Variants in GPR137 observed in about 807,000 individuals in gnomAD.
GPR137 encodes the protein G protein-coupled receptor 137.
A neutral mutation model predicts 38.9 loss-of-function variants in GPR137; 20 were observed. The observed-to-expected ratio is 0.51, with a 90% CI of 0.36 to 0.75. The LOEUF (loss-of-function observed/expected upper bound fraction) is 0.75, where lower values mean the gene tolerates loss of function less well. Among genes scored for constraint, GPR137 ranks in the 30% least tolerant of loss-of-function variants. GPR137 has a pLI of 0.00. For synonymous variants in GPR137, 226 were observed against 235.8 expected, an observed-to-expected ratio of 0.96 and a Z score of 0.38; for missense variants, 456 against 526.4, an observed-to-expected ratio of 0.87 and a Z score of 1.31.
chr11:64,284,578 C>A, upstream of GPR137: 1 of 1,492,728 alleles, frequency 6.7e-7, no homozygotes, highest in African/African-American at 1.4e-5. Flanking sequence ...CCCCTCAGAA[C>A]CCCGGTGGAC....
chr11:64,272,882 G>A (rs903880534), upstream of GPR137: 2 of 152,196 alleles, frequency 1.3e-5, no homozygotes, highest in African/African-American at 4.8e-5. Flanking sequence ...GATAATCCTA[G>A]CCCTGACTCC....
chr11:64,282,872 C>G (rs1352450917), upstream of GPR137, among the ~76,000 whole-genome samples: 2 of 148,116 alleles, frequency 1.4e-5, no homozygotes, highest in Admixed American at 6.7e-5. Context: ...GAGTGAGACT[C>G]CGTCTCAGGA....
At chr11:64,273,944 T>C (rs2032843345), upstream of GPR137, among the ~76,000 whole-genome samples, 1 of 150,504 alleles carries the variant, frequency 6.6e-6, no homozygotes, top group African/African-American at 2.4e-5. Context: ...GGAGGCTCTT[T>C]GGAGGAGGTA....
rs1341402120 is a variant in GPR137, at chr11:64,287,325, G to T, written c.407+311G>T. On this transcript the variant is annotated intron_variant, in intron 2 of 6. Transcript: ENST00000438980. ...CATATGCACTCCTGGGTGACCTGGG[G>T]CCGCAATGCCCTCGTCATTTGTACA... is the stretch of plus-strand genomic sequence containing the variant. 3.0e-6 allele frequency: 3 copies of T among 984,024 alleles called. No homozygotes were observed. The African/African-American group carries it at 5.2e-5, about 17-fold the overall frequency. The allele number at this position is 984,024 out of a possible 1,614,324, so 61.0% of individuals were successfully genotyped here.
chr11:64,271,767 G>A, upstream of GPR137: 3 of 1,426,570 alleles, frequency 2.1e-6, no homozygotes, highest in South Asian at 1.5e-5. Flanking sequence ...CGCGGGGTAG[G>A]AGCTGTGGCG....
chr11:64,287,327 C>T (rs945351072), intron 2 of GPR137: 15 of 983,384 alleles, frequency 1.5e-5, no homozygotes, highest in Middle Eastern at 5.2e-4. Context: ...GACCTGGGGC[C>T]GCAATGCCCT....
Position 64,276,769 on chromosome 11 carries a change from C to T in GPR137, c.-16+348C>T. On this transcript the variant is annotated intron_variant, in intron 2 of 2. Transcript: ENST00000538244. ...CTGGGGAAGGGAAGGGGTGTGGCTC[C>T]TCCTTGGGTGTGAACGTGGGTGGGT... 4.9e-6 allele frequency: 3 copies of T among 606,752 alleles called. No individual in the cohort carries two copies. In the South Asian group the frequency reaches 5.8e-5, roughly 12 times the overall value. 37.6% of individuals were successfully genotyped at this position (606,752 alleles called of 1,614,324 possible). A position where few individuals can be genotyped will look rare whatever the true frequency, so the allele number is the denominator to read the frequency against.
upstream of GPR137, chr11:64,285,551 C>A (rs2033872451): frequency 2.0e-6 from 2 of 983,962 alleles, no homozygotes; most frequent in Non-Finnish European, 1.2e-6. Flanking sequence ...CCGGGCGGCA[C>A]GACCCCGATT....
At chr11:64,281,112 C>T (rs568808040), upstream of GPR137, among the ~76,000 whole-genome samples, 502 of 152,238 alleles carry the variant, frequency 3.3e-3, 3 homozygotes, top group Non-Finnish European at 5.2e-3. Context: ...GGACTACAGG[C>T]GCCCACCACC....
Position 64,286,683 on chromosome 11 carries a change from C to T in GPR137, c.159C>T (p.His53=). 1.9e-6 allele frequency: 3 copies of T among 1,613,750 alleles called. No homozygotes were observed. Among genetic ancestry groups the T allele is most frequent in the Admixed American group, 1.7e-5 (1 of 60,022 alleles). The change falls in exon 1 of 7, where the codon CAC becomes CAT. Residue 53 remains histidine, a synonymous_variant. Coordinates refer to ENST00000438980, the MANE Select transcript of GPR137 (RefSeq NM_001170880.2). ...TCTGGCTGGTGCTTCTGTATGGGCA[C>T]AAGCGTCTCAGCTATCAGACGGTGT... ...AQLWLVLLYG[H]KRLSYQTVFL...
chr11:64,275,294 C>G (rs1334249482), upstream of GPR137, among the ~76,000 whole-genome samples: 1 of 152,140 alleles, frequency 6.6e-6, no homozygotes, highest in Non-Finnish European at 1.5e-5. Flanking sequence ...GAGCCGGGAA[C>G]AGAAGGGGCA....
At chr11:64,274,992 C>CAA (rs34418386), upstream of GPR137, among the ~76,000 whole-genome samples, 237 of 54,252 alleles carry the variant, frequency 4.4e-3, 11 homozygotes, top group Non-Finnish European at 4.6e-3. Flanking sequence ...GACTTTGTCT[C>CAA]AAAAAAAAAA....
upstream of GPR137, chr11:64,271,856 C>A: frequency 7.7e-7 from 1 of 1,306,302 alleles, no homozygotes; most frequent in Non-Finnish European, 9.8e-7. Context: ...TCCTCTAAGC[C>A]CCTGGCCCTG....
At chr11:64,270,605 G>A (rs1401126501) in exon 1 of GPR137, 2 of 678,412 alleles carry the variant, frequency 2.9e-6, no homozygotes, top group Admixed American at 2.0e-5. Flanking sequence ...CAGAGCTGGA[G>A]ACCTAGCACC....
chr11:64,278,652 T>G (rs1345884199), intron 2 of GPR137, among the ~76,000 whole-genome samples: 1 of 152,198 alleles, frequency 6.6e-6, no homozygotes, highest in African/African-American at 2.4e-5. Context: ...CCCTGCAGTC[T>G]GGCCCAGGGG....
At chr11:64,270,923 A>G (rs2032476015), upstream of GPR137, among the ~76,000 whole-genome samples, 1 of 133,116 alleles carries the variant, frequency 7.5e-6, no homozygotes, top group African/African-American at 2.6e-5. Context: ...ACACACACAC[A>G]CACACACACG....
upstream of GPR137, chr11:64,284,625 T>TCTCA (rs957783243): frequency 3.6e-5 from 55 of 1,520,732 alleles, no homozygotes; most frequent in African/African-American, 7.2e-4. Flanking sequence ...GGCGCACAGG[T>TCTCA]CTCACCCCAA....
chr11:64,284,838 T>C, upstream of GPR137: 1 of 1,510,632 alleles, frequency 6.6e-7, no homozygotes, highest in Non-Finnish European at 8.8e-7. Context: ...TCCGCATCCT[T>C]TTTCCTCCCT....
Position 64,289,374 on chromosome 11 carries a change from G to A in GPR137, c.*178G>A, listed in dbSNP as rs113784844. ...TTGTGCCGTCCCCCTAGGATGGGGG[G>A]CATGGCCCTGGCTGCCAGATGCCCA... On this transcript the variant is annotated 3_prime_UTR_variant, in exon 7 of 7. Coordinates refer to ENST00000438980, the MANE Select transcript of GPR137 (RefSeq NM_001170880.2). The A allele has an allele frequency of 1.4e-5, 22 of 1,563,080 alleles. No homozygotes were observed. The highest frequency in any genetic ancestry group is 2.2e-5 in the East Asian group (1 of 44,488).
Sources: allele counts gnomAD v4.1 joint callset (sites outside exome capture counted in the v4.1 genomes callset), GRCh38; gene constraint gnomAD v4.1.1; transcripts MANE v1.5; gene names NCBI Gene and HGNC (gene_info 2026-07-23, HGNC 2026-07-21).